Variants in LAMA2 observed in about 807,000 individuals in gnomAD.
LAMA2 encodes laminin subunit alpha-2.
Under a neutral mutation model 364.8 loss-of-function variants are expected in LAMA2, and 269 were observed. The observed-to-expected ratio is 0.74, with a 90% confidence interval of 0.67 to 0.82. LAMA2 has a LOEUF of 0.82. Ranked by LOEUF, LAMA2 falls within the 40% of genes least tolerant of loss-of-function variation. LAMA2 has a pLI of 0.00. For missense variants in LAMA2, 3,807 were observed against 3,873.2 expected (o/e 0.98, Z 0.45); for synonymous variants, 1,379 against 1,370.6 (o/e 1.01, Z -0.14).
At chr6:128,955,590 G>C (rs1781094255) in intron 1 of LAMA2, among the ~76,000 whole-genome samples, 1 of 151,774 alleles carries the variant, frequency 6.6e-6, no homozygotes, top group South Asian at 2.1e-4. Context: ...ACATTTAAGA[G>C]TTTCTTTCTT....
chr6:129,351,188 G>GA (rs956977307), intron 31 of LAMA2, among the ~76,000 whole-genome samples: 6 of 150,828 alleles, frequency 4.0e-5, no homozygotes, highest in South Asian at 2.1e-4. Context: ...AGTAATTCAT[G>GA]AAAAAAAAAT....
intron 34 of LAMA2, among the ~76,000 whole-genome samples, chr6:129,379,170 A>G (rs1171299668): frequency 6.6e-6 from 1 of 152,180 alleles, no homozygotes; most frequent in Non-Finnish European, 1.5e-5. Context: ...ACACATAGAC[A>G]TGTAGAAGGG....
At chr6:129,226,242 T>C (rs536630072) in intron 12 of LAMA2, among the ~76,000 whole-genome samples, 1 of 152,334 alleles carries the variant, frequency 6.6e-6, no homozygotes, top group East Asian at 1.9e-4. Context: ...GCACATGAGA[T>C]GGGTCTCTTG....
In LAMA2 at chr6:129,314,734, G is replaced by A; in HGVS notation, c.3491G>A (p.Ser1164Asn). 8 of 1,613,972 alleles carry A rather than the reference G, an allele frequency of 5.0e-6. No homozygotes were observed. The highest frequency in any genetic ancestry group is 6.8e-6 in the Non-Finnish European group (8 of 1,180,018). The change falls in exon 24 of 65, where the codon AGC becomes AAC. Residue 1164 changes from serine (S) to asparagine (N), a missense_variant. By Grantham distance (46) the Ser-to-Asn change is conservative. Transcript: ENST00000421865. The stretch of plus-strand genomic sequence containing the variant: ...GATGCCAAGAATCCACTTGGCTGCA[G>A]CAGCTGCTATTGCTTCGGCACTACT... ...GLDAKNPLGC[S>N]SCYCFGTTTQ...
intron 47 of LAMA2, among the ~76,000 whole-genome samples, 155 bp downstream of exon 47, chr6:129,454,443 T>A (rs1782853367): frequency 6.6e-6 from 1 of 152,178 alleles, no homozygotes. Flanking sequence ...GGAGTGGGTA[T>A]GTTTGTCATA....
chr6:128,884,532 TA>T (rs1479724240), intron 1 of LAMA2, among the ~76,000 whole-genome samples: 1 of 152,170 alleles, frequency 6.6e-6, no homozygotes, highest in Non-Finnish European at 1.5e-5. Context: ...TACTATTTTT[TA>T]AGGAGTAAAG....
intron 9 of LAMA2, among the ~76,000 whole-genome samples, chr6:129,172,202 G>T (rs1343356046): frequency 6.6e-6 from 1 of 152,140 alleles, no homozygotes; most frequent in Admixed American, 6.5e-5. Context: ...ATCCAGCTTT[G>T]TTCCGTTGCT....
In LAMA2 at chr6:129,055,933, A is replaced by G. The variant is rs1473991254; in HGVS notation, c.284-3851A>G. On this transcript the variant is annotated intron_variant, in intron 2 of 64. Transcript: ENST00000421865. ...ATTCGTCAGTATTTGCAAATTAATT[A>G]TGATTAAACTTTCATAATAGGGATT... Among the ~76,000 whole-genome samples the G allele has an allele frequency of 2.6e-5, 4 of 152,344 alleles. No individual in the cohort carries two copies. The South Asian group carries it at 8.3e-4, about 32-fold the overall frequency.
chr6:129,513,872 A>G (rs761053031), intron 63 of LAMA2, among the ~76,000 whole-genome samples: 1 of 152,260 alleles, frequency 6.6e-6, no homozygotes, highest in Non-Finnish European at 1.5e-5. Flanking sequence ...AATCTTGTAT[A>G]TAAAATGAAA....
chr6:129,337,396 T>C (rs1350325893), intron 29 of LAMA2, among the ~76,000 whole-genome samples: 1 of 152,164 alleles, frequency 6.6e-6, no homozygotes, highest in East Asian at 1.9e-4. Flanking sequence ...GAAGTAATAG[T>C]ATTCTTAGAT....
chr6:129,324,403 C>T (rs1775147785), intron 28 of LAMA2, among the ~76,000 whole-genome samples: 3 of 152,192 alleles, frequency 2.0e-5, no homozygotes, highest in South Asian at 2.1e-4. Context: ...TTATGATCCC[C>T]ATTTTACGGG....
intron 24 of LAMA2, 70 bp downstream of exon 24, chr6:129,314,868 C>T: frequency 6.5e-7 from 1 of 1,541,734 alleles, no homozygotes; most frequent in Non-Finnish European, 9.0e-7. Context: ...TAGTCAGGCA[C>T]TGAGGGGTAG....
intron 1 of LAMA2, among the ~76,000 whole-genome samples, chr6:128,946,577 C>G (rs1050495962): frequency 1.3e-5 from 2 of 152,130 alleles, no homozygotes; most frequent in Non-Finnish European, 2.9e-5. Flanking sequence ...GAAGTTCAAC[C>G]GTCATAAATT....
intron 1 of LAMA2, among the ~76,000 whole-genome samples, chr6:128,920,692 CAT>C (rs774718033): frequency 4.1e-4 from 62 of 151,016 alleles, no homozygotes; most frequent in African/African-American, 9.0e-4. Context: ...ATTATATATA[CAT>C]GTGTGTATAT....
intron 1 of LAMA2, among the ~76,000 whole-genome samples, chr6:128,907,388 C>G (rs1432107714): frequency 6.9e-6 from 1 of 144,820 alleles, no homozygotes; most frequent in East Asian, 2.0e-4. Flanking sequence ...ATTTTATTCT[C>G]TTTGAAGCAA....
At chr6:129,254,819 A>C (rs1410163165) in intron 14 of LAMA2, among the ~76,000 whole-genome samples, 1 of 152,186 alleles carries the variant, frequency 6.6e-6, no homozygotes, top group African/African-American at 2.4e-5. Flanking sequence ...ATTTAGTAAC[A>C]TCCTTGGTCT....
At chr6:128,917,170 C>CT (rs1276978403) in intron 1 of LAMA2, among the ~76,000 whole-genome samples, 8 of 56,922 alleles carry the variant, frequency 1.4e-4, no homozygotes, top group African/African-American at 2.6e-4. Context: ...AAATTGAAGC[C>CT]TTTTTTAAAA....
At chr6:128,919,901 A>T (rs990603625) in intron 1 of LAMA2, among the ~76,000 whole-genome samples, 3 of 152,092 alleles carry the variant, frequency 2.0e-5, no homozygotes, top group African/African-American at 7.2e-5. Flanking sequence ...TCAGAAGTGG[A>T]CTGGTTTAGA....
rs1197846032 is a variant in LAMA2, at chr6:129,206,090, A to AAGGG, written c.1782+13253_1782+13256dup. On this transcript the variant is annotated intron_variant, in intron 12 of 64. Coordinates refer to ENST00000421865, the MANE Select transcript of LAMA2 (RefSeq NM_000426.4). Reference sequence around the variant, plus strand: ...GGGAAAGGAAAGGAAAGGAGGAAGGAAGGGAGGGAGGGAGGGAGGAAGGAA... The same window carrying AAGGG: ...GGGAAAGGAAAGGAAAGGAGGAAGGAAGGGAGGGAGGGAGGGAGGGAGGAAGGAA... Among the ~76,000 whole-genome samples, 78 of 112,002 alleles carry AAGGG rather than the reference A, an allele frequency of 7.0e-4. 2 individuals carry two copies. The highest frequency in any genetic ancestry group is 3.3e-3 in the South Asian group (9 of 2,692). 73.5% of individuals were successfully genotyped at this position (112,002 alleles called of 152,430 possible). A position where few individuals can be genotyped will look rare whatever the true frequency, so the allele number is the denominator to read the frequency against.
Sources: gnomAD v4.1 joint callset for allele counts (sites outside exome capture counted in the v4.1 genomes callset) on GRCh38, gnomAD v4.1.1 for gene constraint, MANE v1.5 for transcripts, NCBI Gene and HGNC (gene_info 2026-07-23, HGNC 2026-07-21) for gene names.